Variants in DGKB observed in about 807,000 individuals in gnomAD.
The protein encoded by DGKB is 90 kDa diacylglycerol kinase.
A neutral mutation model predicts 114.3 loss-of-function variants in DGKB; 67 were observed. The observed-to-expected ratio is 0.59, with a 90% CI of 0.48 to 0.72. The LOEUF (loss-of-function observed/expected upper bound fraction) is 0.72, where lower values mean the gene tolerates loss of function less well. Among genes scored for constraint, DGKB ranks in the 30% least tolerant of loss-of-function variants. DGKB has a pLI of 0.00. For missense variants in DGKB, 907 were observed against 975.2 expected, an observed-to-expected ratio of 0.93 and a Z score of 0.93; for synonymous variants, 398 against 323.1, an observed-to-expected ratio of 1.23 and a Z score of -2.49.
At chr7:14,370,979 C>T (rs1362905195) in intron 21 of DGKB, among the ~76,000 whole-genome samples, 1 of 152,102 alleles carries the variant, frequency 6.6e-6, no homozygotes, top group Non-Finnish European at 1.5e-5. Context: ...ATATATATTG[C>T]TGCAAATGAC....
chr7:14,701,666 G>A lies in DGKB; in HGVS notation c.516+15C>T, dbSNP rs1825204273. 3 of 1,591,338 alleles carry A rather than the reference G, an allele frequency of 1.9e-6. No individual in the cohort carries two copies. In the African/African-American group the frequency reaches 4.0e-5, roughly 21 times the overall value. On this transcript the variant is annotated intron_variant, in intron 7 of 25. Transcript: ENST00000402815. ...TCTTTGAAGTTTTCACAGAAACTTT[G>A]AAGAAAAAAATTACCGAGCTGTCCA...
intron 25 of DGKB, among the ~76,000 whole-genome samples, chr7:14,158,710 T>A (rs957808779): frequency 6.6e-6 from 1 of 152,172 alleles, no homozygotes; most frequent in African/African-American, 2.4e-5. Flanking sequence ...GCTTAAGGCA[T>A]TGAATAGGGA....
At chr7:14,425,633 G>C (rs1480222562) in intron 21 of DGKB, among the ~76,000 whole-genome samples, 1 of 152,146 alleles carries the variant, frequency 6.6e-6, no homozygotes, top group East Asian at 1.9e-4. Flanking sequence ...AATAGAGCTT[G>C]ATTACAAGAG....
intron 1 of DGKB, among the ~76,000 whole-genome samples, chr7:14,893,441 A>G (rs1781611311): frequency 6.6e-6 from 1 of 151,320 alleles, no homozygotes; most frequent in African/African-American, 2.4e-5. Context: ...AAACTCTTCT[A>G]TTCCAATGCA....
chr7:14,165,109 C>G (rs1452134773), intron 25 of DGKB, among the ~76,000 whole-genome samples: 1 of 152,208 alleles, frequency 6.6e-6, no homozygotes, highest in South Asian at 2.1e-4. Flanking sequence ...TCCCCTCCTT[C>G]CTTACAGATA....
At chr7:14,745,473 G>A (rs917973529) in intron 4 of DGKB, among the ~76,000 whole-genome samples, 7 of 152,222 alleles carry the variant, frequency 4.6e-5, no homozygotes, top group Admixed American at 3.9e-4. Context: ...AGGGTCCACA[G>A]AGAACCTCTG....
rs191447399 is a variant in DGKB, at chr7:14,772,990, G to T, written c.71-15259C>A. On this transcript the variant is annotated intron_variant, in intron 2 of 25. Coordinates refer to ENST00000402815, the MANE Select transcript of DGKB (RefSeq NM_001350709.2). ...ATCTTCAATGCTTTAATCTTCAAAA[G>T]AAACAAAACATGCCTTGTCTCCTAT... 2.6e-5 allele frequency among the ~76,000 whole-genome samples: 4 copies of T among 152,202 alleles called. No homozygotes were observed. In the East Asian group the frequency reaches 7.7e-4, roughly 29 times the overall value.
chr7:14,662,915 G>T (rs1817415246), intron 13 of DGKB, among the ~76,000 whole-genome samples: 1 of 151,746 alleles, frequency 6.6e-6, no homozygotes, highest in South Asian at 2.1e-4. Flanking sequence ...ATGATAAAAT[G>T]TTAAAATTCA....
chr7:14,169,144 G>T (rs1000636454), intron 25 of DGKB, among the ~76,000 whole-genome samples: 1 of 151,710 alleles, frequency 6.6e-6, no homozygotes, highest in African/African-American at 2.4e-5. Context: ...TGGATCACAA[G>T]GTCAGGAGAT....
intron 21 of DGKB, among the ~76,000 whole-genome samples, chr7:14,397,604 C>A (rs1220825427): frequency 6.6e-6 from 1 of 152,076 alleles, no homozygotes; most frequent in Admixed American, 6.6e-5. Flanking sequence ...AGTCTCTTTA[C>A]CACTTCTATC....
chr7:14,569,342 A>T (rs1420929332), intron 20 of DGKB, among the ~76,000 whole-genome samples: 2 of 152,172 alleles, frequency 1.3e-5, no homozygotes, highest in Non-Finnish European at 2.9e-5. Flanking sequence ...TTATTTGTTT[A>T]ATTAGTTCTG....
chr7:14,581,619 T>C (rs1171854618), intron 18 of DGKB, among the ~76,000 whole-genome samples: 2 of 152,196 alleles, frequency 1.3e-5, no homozygotes, highest in African/African-American at 2.4e-5. Flanking sequence ...GTTTGAATCA[T>C]TGCATGCCTT....
intron 6 of DGKB, among the ~76,000 whole-genome samples, chr7:14,709,571 G>A (rs1826959443): frequency 7.4e-6 from 1 of 134,536 alleles, no homozygotes. Context: ...CAACCCAAAT[G>A]TCCAACAATG....
chr7:14,468,739 C>T lies in DGKB; in HGVS notation c.1835+9422G>A, dbSNP rs111521113. Among the ~76,000 whole-genome samples, 1,371 of 149,396 alleles carry T rather than the reference C, an allele frequency of 9.2e-3. 47 individuals carry two copies. The highest frequency in any genetic ancestry group is 0.033 in the African/African-American group (1,315 of 39,302). ...GGTTTTTTACTGTTTAATACTCTTC[C>T]CTATAAGAAAATACTTAAACTTGAA... On this transcript the variant is annotated intron_variant, in intron 21 of 25. Coordinates refer to ENST00000402815, the MANE Select transcript of DGKB (RefSeq NM_001350709.2).
At position 14,521,805 on chromosome 7, in the gene DGKB, C is replaced by T. The variant is rs181434248; in HGVS notation, c.1771-43580G>A. ...CTTTTGTTCCTCAGTATGAGTCACA[C>T]GTTCTTATTTCTTTGCATATCTCAT... On this transcript the variant is annotated intron_variant, in intron 20 of 25. Transcript: ENST00000402815. Among the ~76,000 whole-genome samples the T allele has an allele frequency of 9.6e-4, 146 of 152,194 alleles. No individual in the cohort carries two copies. In the Middle Eastern group the frequency reaches 0.01, roughly 11 times the overall value.
chr7:14,281,123 G>A (rs1233476086), intron 23 of DGKB, among the ~76,000 whole-genome samples: 11 of 147,938 alleles, frequency 7.4e-5, no homozygotes, highest in African/African-American at 2.5e-4. Flanking sequence ...CCCATCTCAT[G>A]TGCAGAGACA....
intron 21 of DGKB, among the ~76,000 whole-genome samples, chr7:14,363,683 A>T (rs1407472886): frequency 6.6e-6 from 1 of 152,148 alleles, no homozygotes; most frequent in East Asian, 1.9e-4. Flanking sequence ...TATTAAAAAA[A>T]GAAAAAGAAA....
intron 25 of DGKB, among the ~76,000 whole-genome samples, chr7:14,172,659 G>C (rs183448296): frequency 6.6e-6 from 1 of 152,180 alleles, no homozygotes. Flanking sequence ...ATATGGGGAG[G>C]CAAATGATGA....
chr7:14,725,970 C>A (rs1243282156), intron 5 of DGKB, among the ~76,000 whole-genome samples: 1 of 152,082 alleles, frequency 6.6e-6, no homozygotes, highest in Admixed American at 6.6e-5. Flanking sequence ...AATACTATTT[C>A]AAATGAAGTA....
Sources: allele counts gnomAD v4.1 joint callset (sites outside exome capture counted in the v4.1 genomes callset), GRCh38; gene constraint gnomAD v4.1.1; transcripts MANE v1.5; gene names NCBI Gene and HGNC (gene_info 2026-07-23, HGNC 2026-07-21).